The following FAM53B variants were observed in gnomAD, a reference collection of about 807,000 sequenced individuals.
FAM53B encodes the protein protein FAM53B.
A neutral mutation model predicts 32.7 loss-of-function variants in FAM53B; 12 were observed. That is an observed-to-expected ratio of 0.37 (90% confidence interval 0.24 to 0.59). The LOEUF (loss-of-function observed/expected upper bound fraction) is 0.59. FAM53B is among the 20% of genes least tolerant of loss of function. FAM53B has a pLI of 0.72. For synonymous variants in FAM53B, 234 were observed against 228.7 expected (o/e 1.02, Z -0.21); for missense variants, 477 against 577.7 (o/e 0.83, Z 1.79).
At chr10:124,674,817 C>T (rs1020927307) in intron 4 of FAM53B, among the ~76,000 whole-genome samples, 3 of 152,188 alleles carry the variant, frequency 2.0e-5, no homozygotes, top group Non-Finnish European at 4.4e-5. Context: ...CCAAGGGCAG[C>T]GCCTGCTAGG....
At chr10:124,635,246 C>T (rs984492728) in intron 4 of FAM53B, among the ~76,000 whole-genome samples, 3 of 152,114 alleles carry the variant, frequency 2.0e-5, no homozygotes, top group Non-Finnish European at 2.9e-5. Flanking sequence ...GGCCCGCCAC[C>T]ACACCTGGCT....
chr10:124,626,349 G>C (rs1949352461), intron 4 of FAM53B, among the ~76,000 whole-genome samples: 1 of 151,316 alleles, frequency 6.6e-6, no homozygotes, highest in African/African-American at 2.4e-5. Flanking sequence ...TGATTGTGTG[G>C]GTCTCGGCAC....
intron 2 of FAM53B, among the ~76,000 whole-genome samples, chr10:124,701,658 T>C (rs1949915506): frequency 1.3e-5 from 2 of 152,022 alleles, no homozygotes; most frequent in South Asian, 4.1e-4. Context: ...GTTAGAACAC[T>C]GGAAGGAAGA....
At chr10:124,675,780 G>A (rs1316851319) in intron 4 of FAM53B, among the ~76,000 whole-genome samples, 1 of 152,244 alleles carries the variant, frequency 6.6e-6, no homozygotes, top group Admixed American at 6.5e-5. Flanking sequence ...CTGAGCCTGG[G>A]GTCAAGAGGT....
At chr10:124,693,164 T>C (rs1949846401) in intron 3 of FAM53B, among the ~76,000 whole-genome samples, 1 of 152,114 alleles carries the variant, frequency 6.6e-6, no homozygotes, top group Non-Finnish European at 1.5e-5. Flanking sequence ...CAGAGTATTC[T>C]CTTCCCCACT....
chr10:124,715,228 A>G (rs954267545), intron 1 of FAM53B, among the ~76,000 whole-genome samples: 1 of 152,220 alleles, frequency 6.6e-6, no homozygotes, highest in African/African-American at 2.4e-5. Flanking sequence ...CTGATGTTGA[A>G]ACATGGTATT....
intron 4 of FAM53B, among the ~76,000 whole-genome samples, chr10:124,659,677 C>T (rs995066537): frequency 2.6e-5 from 4 of 152,248 alleles, no homozygotes; most frequent in Non-Finnish European, 5.9e-5. Flanking sequence ...TGCAAAACCA[C>T]CTTGCCGGGC....
Position 124,623,518 on chromosome 10 carries a change from G to A in FAM53B, c.993C>T (p.Ser331=). 1.9e-6 allele frequency: 3 copies of A among 1,595,160 alleles called. No homozygotes were observed. The South Asian group carries it at 3.4e-5, about 18-fold the overall frequency. The change falls in exon 5 of 5, where the codon AGC becomes AGT. Residue 331 remains serine (S), a synonymous_variant. Transcript: ENST00000337318. The part of the protein sequence containing the change: ...GPQSPFARHV[S]NTRAWTALLS... ...GCAGGGCGGTCCAGGCCCTGGTGTT[G>A]CTGACGTGGCGGGCGAAGGGGCTCT...
chr10:124,696,056 G>A, intron 3 of FAM53B, 102 bp downstream of exon 3: 2 of 960,286 alleles, frequency 2.1e-6, no homozygotes, highest in Non-Finnish European at 3.3e-6. Flanking sequence ...TGCTCTTTTT[G>A]AACTTGTGTC....
rs368205103 is a variant in FAM53B at position 124,657,177 on chromosome 10, C to CATATAT, written c.906+24424_906+24429dup. Among the ~76,000 whole-genome samples, 16 of 75,034 alleles carry CATATAT rather than the reference C, an allele frequency of 2.1e-4. No homozygotes were observed. The South Asian group carries it at 3.1e-3, about 14-fold the overall frequency. 49.2% of individuals were successfully genotyped at this position (75,034 alleles called of 152,430 possible). A position where few individuals can be genotyped will look rare whatever the true frequency, so the allele number is the denominator to read the frequency against. On this transcript the variant is annotated intron_variant, in intron 4 of 4. Transcript: ENST00000337318. ...ATATATGTGTGTATATATATATGTA[C>CATATAT]ATATATATATATATATAAGAAATGG...
chr10:124,637,447 T>C (rs1243843202), intron 4 of FAM53B, among the ~76,000 whole-genome samples: 6 of 152,130 alleles, frequency 3.9e-5, no homozygotes, highest in Admixed American at 3.9e-4. Context: ...GCAAAGCCAC[T>C]GCACCGAGAC....
At chr10:124,713,220 T>C (rs1950016785) in intron 1 of FAM53B, among the ~76,000 whole-genome samples, 1 of 152,216 alleles carries the variant, frequency 6.6e-6, no homozygotes, top group Non-Finnish European at 1.5e-5. Flanking sequence ...TGGTTGGTAG[T>C]ATGCACATTT....
chr10:124,638,733 A>G (rs1162122468), intron 4 of FAM53B, among the ~76,000 whole-genome samples: 1 of 152,216 alleles, frequency 6.6e-6, no homozygotes, highest in Non-Finnish European at 1.5e-5. Context: ...TGGCTACTGG[A>G]GCCCTTCAGG....
intron 4 of FAM53B, among the ~76,000 whole-genome samples, chr10:124,633,534 C>A (rs140574761): frequency 8.3e-4 from 127 of 152,282 alleles, no homozygotes; most frequent in Non-Finnish European, 1.6e-4. Flanking sequence ...CTAGCCCGTA[C>A]CATATAATAT....
intron 1 of FAM53B, among the ~76,000 whole-genome samples, chr10:124,722,107 G>A (rs893182282): frequency 6.6e-5 from 10 of 152,172 alleles, no homozygotes; most frequent in African/African-American, 1.9e-4. Flanking sequence ...GAAGGAGTAC[G>A]TTCTAGTGTT....
intron 1 of FAM53B, among the ~76,000 whole-genome samples, chr10:124,717,331 G>A (rs1249859917): frequency 1.3e-5 from 2 of 152,184 alleles, no homozygotes; most frequent in Admixed American, 6.5e-5. Flanking sequence ...GTTTCCTCAC[G>A]TGTCACAGGC....
intron 1 of FAM53B, among the ~76,000 whole-genome samples, chr10:124,738,647 G>A (rs555692096): frequency 7.1e-4 from 108 of 151,766 alleles, no homozygotes; most frequent in Non-Finnish European, 1.2e-3. Flanking sequence ...GCCCTGGCTG[G>A]GGCGTACCAA....
chr10:124,742,520 C>T (rs1950205494), intron 1 of FAM53B: 1 of 152,234 alleles, frequency 6.6e-6, no homozygotes, highest in African/African-American at 2.4e-5. Context: ...AATCTCCCTG[C>T]CAGCCGGTGG....
intron 1 of FAM53B, among the ~76,000 whole-genome samples, chr10:124,715,470 T>C (rs1207301820): frequency 2.0e-5 from 3 of 152,150 alleles, no homozygotes; most frequent in African/African-American, 7.2e-5. Context: ...TCTGTCCCTA[T>C]CTCCTCAGGT....
Sources: allele counts gnomAD v4.1 joint callset (sites outside exome capture counted in the v4.1 genomes callset), GRCh38; gene constraint gnomAD v4.1.1; transcripts MANE v1.5; gene names NCBI Gene and HGNC (gene_info 2026-07-23, HGNC 2026-07-21).